The following SPAG16 variants were observed in gnomAD, a reference collection of about 807,000 sequenced individuals.
SPAG16 encodes the protein sperm-associated antigen 16 protein.
In SPAG16, 86 loss-of-function variants were observed where a neutral mutation model predicts 80.4. That is an observed-to-expected ratio of 1.07 (90% CI 0.90 to 1.28). SPAG16 has a LOEUF of 1.28. Ranked by LOEUF, SPAG16 falls within the 50% of genes most tolerant of loss-of-function variation. The probability of loss-of-function intolerance (pLI) is 0.00; values close to 1 mark genes in which losing one functional copy is unlikely to be tolerated. For missense variants in SPAG16, 870 were observed against 765.3 expected (o/e 1.14, Z -1.61); for synonymous variants, 294 against 265.9 (o/e 1.11, Z -1.03).
At chr2:213,619,807 C>G (rs1278724964) in intron 10 of SPAG16, among the ~76,000 whole-genome samples, 1 of 152,180 alleles carries the variant, frequency 6.6e-6, no homozygotes, top group Non-Finnish European at 1.5e-5. Flanking sequence ...AATCCTACCA[C>G]TGGATATTTA....
intron 15 of SPAG16, among the ~76,000 whole-genome samples, chr2:214,168,178 G>A (rs1187430496): frequency 1.3e-5 from 2 of 151,344 alleles, no homozygotes; most frequent in Non-Finnish European, 3.0e-5. Context: ...TTTTTGTAGA[G>A]ATGGAAATTC....
chr2:213,653,727 T>C (rs1038490730), intron 10 of SPAG16, among the ~76,000 whole-genome samples: 5 of 152,282 alleles, frequency 3.3e-5, no homozygotes, highest in South Asian at 2.1e-4. Context: ...ATTCCTCAAA[T>C]TGACTATCAT....
At chr2:214,015,629 G>A (rs2124974335) in intron 13 of SPAG16, among the ~76,000 whole-genome samples, 1 of 151,944 alleles carries the variant, frequency 6.6e-6, no homozygotes, top group South Asian at 2.1e-4. Context: ...GAAAGAAAGG[G>A]CTGGTTTCTG....
chr2:213,375,500 T>C (rs1165369193), intron 9 of SPAG16, among the ~76,000 whole-genome samples: 1 of 152,086 alleles, frequency 6.6e-6, no homozygotes, highest in Non-Finnish European at 1.5e-5. Flanking sequence ...TCTTTAAAGG[T>C]AGAATGAAAT....
chr2:214,386,590 T>A lies in SPAG16; in HGVS notation c.1721-23550T>A, dbSNP rs192391537. Among the ~76,000 whole-genome samples the A allele has an allele frequency of 2.6e-5, 4 of 151,544 alleles. No individual in the cohort carries two copies. In the East Asian group the frequency reaches 5.9e-4, roughly 22 times the overall value. The stretch of plus-strand genomic sequence containing the variant: ...TAAGACTATGAAACAGGCCAGGCAA[T>A]GTGGTACATGCCTGTAATCCCAGTA... On this transcript the variant is annotated intron_variant, in intron 15 of 15. Transcript: ENST00000331683.
At chr2:213,760,893 C>T (rs1046343236) in intron 10 of SPAG16, among the ~76,000 whole-genome samples, 3 of 152,166 alleles carry the variant, frequency 2.0e-5, no homozygotes, top group Non-Finnish European at 4.4e-5. Context: ...AAGAGACAGA[C>T]ATCAGGGGCT....
chr2:214,037,881 G>A (rs752068001), intron 13 of SPAG16, among the ~76,000 whole-genome samples: 102 of 147,932 alleles, frequency 6.9e-4, no homozygotes, highest in Non-Finnish European at 7.5e-4. Flanking sequence ...GTGTGTGTGT[G>A]TGTGTGTGTG....
intron 10 of SPAG16, among the ~76,000 whole-genome samples, chr2:213,514,416 AT>A (rs1165970982): frequency 1.3e-5 from 2 of 152,236 alleles, no homozygotes; most frequent in East Asian, 3.8e-4. Context: ...TCATTTAAAA[AT>A]ATAATTTGCT....
chr2:213,767,082 C>G (rs944928511), intron 10 of SPAG16, among the ~76,000 whole-genome samples: 1 of 152,214 alleles, frequency 6.6e-6, no homozygotes, highest in Non-Finnish European at 1.5e-5. Flanking sequence ...CTTACATTCA[C>G]TGATTGGATT....
Position 213,990,885 on chromosome 2 carries a change from C to G in SPAG16, c.1401-23066C>G, listed in dbSNP as rs559048706. 4.6e-5 allele frequency among the ~76,000 whole-genome samples: 7 copies of G among 152,270 alleles called. 1 individual carries two copies. Among genetic ancestry groups the G allele is most frequent in the African/African-American group, 1.7e-4 (7 of 41,562 alleles). ...CAGCTGTGGAATTTTGCCGCTTGAA[C>G]CACTTTGTTTCCTCACATGAACTTG... On this transcript the variant is annotated intron_variant, in intron 12 of 15. Transcript: ENST00000331683.
At chr2:214,258,606 CG>C (rs1196893256) in intron 15 of SPAG16, among the ~76,000 whole-genome samples, 2 of 151,564 alleles carry the variant, frequency 1.3e-5, no homozygotes, top group African/African-American at 4.8e-5. Context: ...TGTAAACATG[CG>C]GGGGCAAGTG....
intron 15 of SPAG16, among the ~76,000 whole-genome samples, chr2:214,173,618 G>A (rs2056962317): frequency 6.6e-6 from 1 of 151,842 alleles, no homozygotes; most frequent in Non-Finnish European, 1.5e-5. Flanking sequence ...AGGACCAGAT[G>A]GATTCACAGA....
At chr2:214,078,781 A>C (rs2051213984) in intron 13 of SPAG16, among the ~76,000 whole-genome samples, 2 of 152,208 alleles carry the variant, frequency 1.3e-5, no homozygotes, top group South Asian at 4.1e-4. Context: ...TGTTGTTTTC[A>C]GAGTATTTCT....
chr2:213,887,811 A>G (rs2076619704), intron 11 of SPAG16, among the ~76,000 whole-genome samples: 1 of 151,836 alleles, frequency 6.6e-6, no homozygotes, highest in Admixed American at 6.6e-5. Context: ...TTGATTATAG[A>G]TATTAACGGA....
At chr2:213,810,162 T>C (rs907539778) in intron 10 of SPAG16, among the ~76,000 whole-genome samples, 1 of 152,200 alleles carries the variant, frequency 6.6e-6, no homozygotes, top group Non-Finnish European at 1.5e-5. Context: ...ATTTACATTG[T>C]TTTAAATAGA....
chr2:213,331,012 T>C (rs1272486600), intron 5 of SPAG16, among the ~76,000 whole-genome samples: 1 of 152,198 alleles, frequency 6.6e-6, no homozygotes, highest in Non-Finnish European at 1.5e-5. Context: ...AACTGTTAAG[T>C]CCATTAAACC....
At chr2:213,400,338 GC>G (rs2068246747) in intron 9 of SPAG16, among the ~76,000 whole-genome samples, 1 of 152,062 alleles carries the variant, frequency 6.6e-6, no homozygotes, top group East Asian at 1.9e-4. Context: ...TTTATATGTA[GC>G]ATTTTAATTT....
chr2:213,746,177 C>A (rs1208059868), intron 10 of SPAG16, among the ~76,000 whole-genome samples: 1 of 152,178 alleles, frequency 6.6e-6, no homozygotes, highest in African/African-American at 2.4e-5. Flanking sequence ...ATGTATTTTT[C>A]ATCATACTTT....
intron 12 of SPAG16, among the ~76,000 whole-genome samples, chr2:213,988,441 A>C (rs1047659129): frequency 6.6e-6 from 1 of 152,150 alleles, no homozygotes; most frequent in Non-Finnish European, 1.5e-5. Context: ...ATCGATAAAG[A>C]TATCTGGAAA....
Sources: gnomAD v4.1 joint callset for allele counts (sites outside exome capture counted in the v4.1 genomes callset) on GRCh38, gnomAD v4.1.1 for gene constraint, MANE v1.5 for transcripts, NCBI Gene and HGNC (gene_info 2026-07-23, HGNC 2026-07-21) for gene names.